The following STK10 variants were observed in gnomAD, a reference collection of about 807,000 sequenced individuals.
The protein encoded by STK10 is serine/threonine kinase 10.
A neutral mutation model predicts 113.8 loss-of-function variants in STK10; 78 were observed. The ratio of observed to expected loss-of-function variants is 0.69; its 90% CI spans 0.57 to 0.83. STK10 has a LOEUF of 0.83. STK10 is among the 40% of genes least tolerant of loss of function. The probability of loss-of-function intolerance (pLI) is 0.00; values close to 1 mark genes in which losing one functional copy is unlikely to be tolerated. For synonymous variants in STK10, 465 were observed against 494.7 expected, an observed-to-expected ratio of 0.94 and a Z score of 0.80; for missense variants, 1,109 against 1,280.1, an observed-to-expected ratio of 0.87 and a Z score of 2.04.
intron 2 of STK10, among the ~76,000 whole-genome samples, chr5:172,148,339 C>A (rs988682514): frequency 6.6e-6 from 1 of 151,974 alleles, no homozygotes; most frequent in Non-Finnish European, 1.5e-5. Context: ...GGGAGGTGCC[C>A]GGAGAGTACT....
At chr5:172,160,107 G>C (rs1261831812) in intron 1 of STK10, among the ~76,000 whole-genome samples, 2 of 151,290 alleles carry the variant, frequency 1.3e-5, no homozygotes, top group Non-Finnish European at 2.9e-5. Flanking sequence ...CGGCACTCCA[G>C]CTTGGGCGAC....
chr5:172,096,571 A>G lies in STK10; in HGVS notation c.871-11T>C. The stretch of plus-strand genomic sequence containing the variant: ...GCTGACGAAGGGATGCTGAGGGGGC[A>G]AGATGCACCCAGATTAGAACCACTC... On this transcript the variant is annotated splice_polypyrimidine_tract_variant and intron_variant, in intron 7 of 18. Coordinates refer to ENST00000176763, the MANE Select transcript of STK10 (RefSeq NM_005990.4). 3.7e-6 allele frequency: 6 copies of G among 1,612,292 alleles called. No individual in the cohort carries two copies. The highest frequency in any genetic ancestry group is 5.1e-6 in the Non-Finnish European group (6 of 1,179,978).
chr5:172,178,197 A>T (rs981668252), intron 1 of STK10, among the ~76,000 whole-genome samples: 1 of 152,198 alleles, frequency 6.6e-6, no homozygotes, highest in African/African-American at 2.4e-5. Flanking sequence ...CTCTTCATTT[A>T]AAAATACTGG....
At chr5:172,105,587 G>A (rs1248202259) in intron 7 of STK10, 69 bp downstream of exon 7, 19 of 1,533,416 alleles carry the variant, frequency 1.2e-5, no homozygotes, top group Non-Finnish European at 1.5e-5. Context: ...CATGCCCAGC[G>A]TCCAGGTCAC....
chr5:172,110,096 A>T (rs1025086022), intron 4 of STK10, among the ~76,000 whole-genome samples: 1 of 152,234 alleles, frequency 6.6e-6, no homozygotes, highest in Admixed American at 6.5e-5. Context: ...CTCCATCAGG[A>T]GCGAGACACT....
chr5:172,129,859 C>T (rs1273613847), intron 2 of STK10, among the ~76,000 whole-genome samples: 1 of 152,198 alleles, frequency 6.6e-6, no homozygotes, highest in African/African-American at 2.4e-5. Flanking sequence ...CACCCTAACC[C>T]TCATGGGAAT....
At chr5:172,130,231 T>C (rs1581170323) in intron 2 of STK10, among the ~76,000 whole-genome samples, 1 of 152,098 alleles carries the variant, frequency 6.6e-6, no homozygotes, top group Non-Finnish European at 1.5e-5. Context: ...AGGTGGTACT[T>C]ATAAAGACCT....
intron 9 of STK10, among the ~76,000 whole-genome samples, chr5:172,090,935 TAAAAAAAAAAAAAA>T (rs547251159): frequency 8.7e-5 from 4 of 46,098 alleles, no homozygotes; most frequent in African/African-American, 2.9e-4. Flanking sequence ...ACTCCGTCTC[TAAAAAAAAAAAAAA>T]AAAAAAAAAA....
chr5:172,106,689 A>C lies in STK10; in HGVS notation c.719T>G (p.Leu240Arg). 6.2e-7 allele frequency: 1 copy of C among 1,613,968 alleles called. No individual in the cohort carries two copies. Among genetic ancestry groups the C allele is most frequent in the African/African-American group, 1.3e-5 (1 of 75,022 alleles). ...CTTTAGCAGGACCCGCATGGGGTTG[A>C]GCTCGTGGTGTGGCGGCTCGATCTG... ...MAQIEPPHHE[L>R]NPMRVLLKIA... Residue 240 changes from leucine (L) to arginine (R), a missense_variant, in exon 6 of 19, where the codon CTC (leucine) becomes CGC (arginine). By Grantham distance (102) the Leu-to-Arg change is moderately radical. Transcript: ENST00000176763.
chr5:172,055,484 A>G, intron 16 of STK10, 104 bp downstream of exon 16: 5 of 1,172,674 alleles, frequency 4.3e-6, no homozygotes, highest in Non-Finnish European at 5.5e-6. Flanking sequence ...GCCAGCCTGC[A>G]TCTTGTTTCA....
chr5:172,168,368 A>G (rs1770606616), intron 1 of STK10, among the ~76,000 whole-genome samples: 1 of 152,218 alleles, frequency 6.6e-6, no homozygotes, highest in African/African-American at 2.4e-5. Flanking sequence ...TATGTGCAGG[A>G]AAAGGGCCCA....
At chr5:172,128,011 C>T (rs1178978879) in intron 2 of STK10, among the ~76,000 whole-genome samples, 2 of 152,198 alleles carry the variant, frequency 1.3e-5, no homozygotes, top group Admixed American at 1.3e-4. Context: ...GAGCTCCAAA[C>T]CCTCAGGTCA....
intron 12 of STK10, among the ~76,000 whole-genome samples, chr5:172,077,200 C>T (rs1294001428): frequency 1.3e-5 from 2 of 152,182 alleles, no homozygotes; most frequent in African/African-American, 4.8e-5. Context: ...TGAACTCGTT[C>T]GAGTTCCTCA....
chr5:172,056,442 G>GT (rs1331634948), intron 15 of STK10, among the ~76,000 whole-genome samples: 1 of 152,198 alleles, frequency 6.6e-6, no homozygotes, highest in African/African-American at 2.4e-5. Context: ...GGAGTTCAGG[G>GT]AAGGCTTCCC....
At chr5:172,129,497 G>T (rs6893380) in intron 2 of STK10, among the ~76,000 whole-genome samples, 11,609 of 152,212 alleles carry the variant, frequency 0.076, 1,497 homozygotes, top group African/African-American at 0.26. Flanking sequence ...CATCAGAAAT[G>T]GATCCATGCA....
At chr5:172,097,967 C>T (rs1490978591) in intron 7 of STK10, among the ~76,000 whole-genome samples, 1 of 152,098 alleles carries the variant, frequency 6.6e-6, no homozygotes, top group Non-Finnish European at 1.5e-5. Flanking sequence ...ATTCCTCAAC[C>T]CACCACGCTC....
At chr5:172,109,673 A>C (rs55920637) in intron 4 of STK10, among the ~76,000 whole-genome samples, 5,937 of 152,242 alleles carry the variant, frequency 0.039, 181 homozygotes, top group Non-Finnish European at 0.061. Context: ...CTGCTAAGAG[A>C]AGAATTCAGC....
intron 2 of STK10, among the ~76,000 whole-genome samples, chr5:172,146,653 G>A (rs1770093719): frequency 6.6e-6 from 1 of 152,216 alleles, no homozygotes; most frequent in African/African-American, 2.4e-5. Flanking sequence ...CAGAGCCTGC[G>A]AGGGAATAGG....
At chr5:172,097,595 C>A (rs1399608668) in intron 7 of STK10, among the ~76,000 whole-genome samples, 1 of 152,180 alleles carries the variant, frequency 6.6e-6, no homozygotes, top group Admixed American at 6.5e-5. Flanking sequence ...TAAACTGTTC[C>A]TGTTTTATTT....
Sources: gnomAD v4.1 joint callset for allele counts (sites outside exome capture counted in the v4.1 genomes callset) on GRCh38, gnomAD v4.1.1 for gene constraint, MANE v1.5 for transcripts, NCBI Gene and HGNC (gene_info 2026-07-23, HGNC 2026-07-21) for gene names.